ALG5: variants seen among roughly 807,000 people sequenced by gnomAD.
ALG5 encodes the protein dolichyl-phosphate beta-glucosyltransferase.
ALG5 carries 26 observed loss-of-function variants against 51.8 expected under a neutral mutation model. That is an observed-to-expected ratio of 0.50 (90% confidence interval 0.37 to 0.70). The LOEUF is 0.70. ALG5 is among the 30% of genes least tolerant of loss of function. The probability of loss-of-function intolerance (pLI) is 0.00; values close to 1 mark genes in which losing one functional copy is unlikely to be tolerated. For synonymous variants in ALG5, 141 were observed against 136.1 expected, an observed-to-expected ratio of 1.04 and a Z score of -0.25; for missense variants, 311 against 399.3, an observed-to-expected ratio of 0.78 and a Z score of 1.88.
At chr13:36,997,073 C>T (rs1312525934) in intron 1 of ALG5, among the ~76,000 whole-genome samples, 2 of 152,044 alleles carry the variant, frequency 1.3e-5, no homozygotes, top group Non-Finnish European at 2.9e-5. Context: ...TCCTAACTAC[C>T]AGTTTATAGA....
At chr13:36,962,469 G>T (rs2058872121) in intron 8 of ALG5, among the ~76,000 whole-genome samples, 1 of 152,050 alleles carries the variant, frequency 6.6e-6, no homozygotes, top group South Asian at 2.1e-4. Context: ...TTTAAGTGAG[G>T]TGAATCTTGT....
At chr13:36,956,564 T>C (rs1319161243) in intron 8 of ALG5, among the ~76,000 whole-genome samples, 1 of 152,164 alleles carries the variant, frequency 6.6e-6, no homozygotes, top group Non-Finnish European at 1.5e-5. Flanking sequence ...ACAGCCAAGT[T>C]ATCCAATCAA....
chr13:36,981,212 T>A (rs1427126339), intron 6 of ALG5, among the ~76,000 whole-genome samples: 1 of 152,070 alleles, frequency 6.6e-6, no homozygotes, highest in Non-Finnish European at 1.5e-5. Flanking sequence ...CAAGTAGTAA[T>A]AAATTTCTTT....
intron 3 of ALG5, 151 bp downstream of exon 3, chr13:36,994,838 C>G (rs1313476870): frequency 1.5e-6 from 1 of 662,342 alleles, no homozygotes; most frequent in Non-Finnish European, 2.6e-6. Flanking sequence ...ACGTGCCGGG[C>G]TTATGGATAG....
chr13:36,991,602 C>T (rs1173585870), intron 4 of ALG5, among the ~76,000 whole-genome samples: 2 of 151,848 alleles, frequency 1.3e-5, no homozygotes, highest in African/African-American at 4.8e-5. Flanking sequence ...TGGTCTAACT[C>T]CTCTTTGCTG....
At chr13:36,997,486 A>AG in intron 1 of ALG5, among the ~76,000 whole-genome samples, 1 of 150,030 alleles carries the variant, frequency 6.7e-6, no homozygotes, top group Non-Finnish European at 1.5e-5. Flanking sequence ...AAAAAAAAAA[A>AG]AAGACAAGGA....
intron 6 of ALG5, among the ~76,000 whole-genome samples, chr13:36,982,542 A>T (rs2058984723): frequency 1.3e-5 from 2 of 152,252 alleles, no homozygotes; most frequent in South Asian, 4.1e-4. Context: ...CAGCTGCCAC[A>T]GAGGCTGACT....
intron 7 of ALG5, among the ~76,000 whole-genome samples, chr13:36,966,643 G>C (rs989811289): frequency 1.3e-5 from 2 of 152,124 alleles, no homozygotes; most frequent in Non-Finnish European, 2.9e-5. Context: ...CAGAGCAGCT[G>C]GGATCACAGG....
chr13:36,953,149 T>C (rs2058825503), intron 8 of ALG5, among the ~76,000 whole-genome samples: 1 of 152,208 alleles, frequency 6.6e-6, no homozygotes, highest in Admixed American at 6.5e-5. Context: ...AATATAATAC[T>C]GGCAACTATT....
intron 5 of ALG5, among the ~76,000 whole-genome samples, chr13:36,986,849 C>G (rs1195474341): frequency 6.6e-6 from 1 of 152,130 alleles, no homozygotes; most frequent in Non-Finnish European, 1.5e-5. Context: ...AAAACTGGAG[C>G]TATTAGTCTG....
Position 36,949,948 on chromosome 13 carries a change from C to T in ALG5, c.969G>A (p.Met323Ile), listed in dbSNP as rs141152029. 253 of 1,607,728 alleles carry T rather than the reference C, an allele frequency of 1.6e-4. 1 individual carries two copies. The African/African-American group carries it at 2.5e-3, about 16-fold the overall frequency. Residue 323 changes from methionine (M) to isoleucine (I), a missense_variant, in exon 10 of 10, where the codon ATG becomes ATA. Met to Ile is a conservative substitution (Grantham distance 10). Transcript: ENST00000239891. Reference protein sequence around the residue: ...GAWRLEQTRKMN With the variant: ...GAWRLEQTRKIN ...ACTGAAGACTGCAAACAACCTAATT[C>T]ATTTTCCGAGTTTGCTCAAGCCTCC...
At chr13:36,998,413 G>A (rs1340485548) in intron 1 of ALG5, among the ~76,000 whole-genome samples, 1 of 152,204 alleles carries the variant, frequency 6.6e-6, no homozygotes, top group Admixed American at 6.5e-5. Context: ...CTTCCTGGCA[G>A]TGCTGTCTAG....
chr13:36,986,233 TTAAAGA>T (rs1372942762), intron 5 of ALG5, among the ~76,000 whole-genome samples: 1 of 152,176 alleles, frequency 6.6e-6, no homozygotes, highest in Non-Finnish European at 1.5e-5. Context: ...ACTAAATTAA[TTAAAGA>T]AATAAAAAGT....
chr13:36,982,647 CTA>C (rs929253655), intron 6 of ALG5, among the ~76,000 whole-genome samples: 1 of 152,200 alleles, frequency 6.6e-6, no homozygotes, highest in Non-Finnish European at 1.5e-5. Flanking sequence ...TCTAATTTCT[CTA>C]TGCATGTCAA....
chr13:36,952,616 A>G lies in ALG5; in HGVS notation c.774-17T>C, dbSNP rs749138660. 3.5e-6 allele frequency: 5 copies of G among 1,428,118 alleles called. No homozygotes were observed. Among genetic ancestry groups the G allele is most frequent in the East Asian group, 2.6e-5 (1 of 39,042 alleles). 88.5% of individuals were successfully genotyped at this position (1,428,118 alleles called of 1,614,324 possible). On this transcript the variant is annotated splice_polypyrimidine_tract_variant and intron_variant, in intron 8 of 9. Transcript: ENST00000239891. ...TCAAATGCCCTAAAATAGAAAATAT[A>G]TTGATATTTATTTTTAAAGACAAAT...
chr13:36,964,035 A>G (rs2058880530), intron 8 of ALG5, among the ~76,000 whole-genome samples: 2 of 152,236 alleles, frequency 1.3e-5, no homozygotes, highest in African/African-American at 4.8e-5. Context: ...AAAAAGAAAC[A>G]TTAAGTAATT....
At chr13:36,984,941 T>C (rs1284089340) in intron 6 of ALG5, among the ~76,000 whole-genome samples, 1 of 152,182 alleles carries the variant, frequency 6.6e-6, no homozygotes, top group Admixed American at 6.5e-5. Flanking sequence ...CAAGTTTTCT[T>C]GCTTCTGCTG....
At chr13:36,992,748 CTAAAATTTTCCT>C (rs756675703) in intron 4 of ALG5, among the ~76,000 whole-genome samples, 2 of 152,190 alleles carry the variant, frequency 1.3e-5, no homozygotes, top group Non-Finnish European at 2.9e-5. Context: ...AGAGCCGTAT[CTAAAATTTTCCT>C]CACACCCCTC....
At chr13:36,957,324 G>A (rs1475056668) in intron 8 of ALG5, among the ~76,000 whole-genome samples, 1 of 151,186 alleles carries the variant, frequency 6.6e-6, no homozygotes, top group African/African-American at 2.4e-5. Context: ...TACTAGTCTG[G>A]GTAGATACTC....
Sources: gnomAD v4.1 joint callset for allele counts (sites outside exome capture counted in the v4.1 genomes callset) on GRCh38, gnomAD v4.1.1 for gene constraint, MANE v1.5 for transcripts, NCBI Gene and HGNC (gene_info 2026-07-23, HGNC 2026-07-21) for gene names.